ABTB2: variants seen among roughly 807,000 people sequenced by gnomAD.
The protein encoded by ABTB2 is ankyrin repeat and BTB domain containing 2.
A neutral mutation model predicts 104.1 loss-of-function variants in ABTB2; 56 were observed. The observed-to-expected ratio is 0.54, with a 90% CI of 0.43 to 0.67. The LOEUF is 0.67. ABTB2 is among the 30% of genes least tolerant of loss of function. The pLI is 0.00. For synonymous variants in ABTB2, 606 were observed against 608.2 expected (o/e 1.00, Z 0.05); for missense variants, 1,279 against 1,407.7 (o/e 0.91, Z 1.46).
In ABTB2 at chr11:34,160,020, G is replaced by T. The variant is rs762923164; in HGVS notation, c.2504-12C>A. ...CAAAAAGTGTGGATCTGTGAAAAGCGGGGAGACAGAGGGATATGGCTGAGG... is the reference window on the plus strand; with the variant it reads ...CAAAAAGTGTGGATCTGTGAAAAGCTGGGAGACAGAGGGATATGGCTGAGG... On this transcript the variant is annotated splice_polypyrimidine_tract_variant and intron_variant, in intron 12 of 16. Transcript: ENST00000435224. 6.2e-7 allele frequency: 1 copy of T among 1,604,180 alleles called. No individual in the cohort carries two copies. Among genetic ancestry groups the T allele is most frequent in the South Asian group, 1.1e-5 (1 of 90,746 alleles).
At position 34,160,231 on chromosome 11, in the gene ABTB2, AGG is replaced by A. The variant is rs1852690676; in HGVS notation, c.2503+15_2503+16del. 6.3e-7 allele frequency: 1 copy of A among 1,588,772 alleles called. No individual in the cohort carries two copies. The highest frequency in any genetic ancestry group is 8.6e-7 in the Non-Finnish European group (1 of 1,157,280). On this transcript the variant is annotated intron_variant, in intron 12 of 16. Transcript: ENST00000435224. The stretch of plus-strand genomic sequence containing the variant: ...GAGGACGTGTGGTGATGCAGGGCGC[AGG>A]GGGCGCGCCTTCACCTAGCCTGGCC...
At chr11:34,232,899 G>T (rs1045130420) in intron 1 of ABTB2, among the ~76,000 whole-genome samples, 2 of 152,042 alleles carry the variant, frequency 1.3e-5, no homozygotes, top group Admixed American at 6.6e-5. Flanking sequence ...GGTCAGGGCT[G>T]CAGTGAGCCA....
chr11:34,240,893 C>A (rs1386622397), intron 1 of ABTB2, among the ~76,000 whole-genome samples: 1 of 152,166 alleles, frequency 6.6e-6, no homozygotes, highest in African/African-American at 2.4e-5. Context: ...CCGTACCTGG[C>A]CTTCCCCCCT....
intron 1 of ABTB2, among the ~76,000 whole-genome samples, chr11:34,311,696 G>GC (rs1854857035): frequency 6.6e-6 from 1 of 152,176 alleles, no homozygotes; most frequent in South Asian, 2.1e-4. Flanking sequence ...TTTAAGCCCA[G>GC]CCCCAGTTAC....
At chr11:34,277,695 G>A (rs972976839) in intron 1 of ABTB2, among the ~76,000 whole-genome samples, 1 of 151,024 alleles carries the variant, frequency 6.6e-6, no homozygotes, top group Non-Finnish European at 1.5e-5. Flanking sequence ...CAGGAGAATC[G>A]CTTGAACCCA....
At chr11:34,161,500 C>G (rs550565305) in intron 10 of ABTB2, among the ~76,000 whole-genome samples, 1 of 152,100 alleles carries the variant, frequency 6.6e-6, no homozygotes, top group African/African-American at 2.4e-5. Flanking sequence ...GAGGGGTGGC[C>G]AGGAGGGCTT....
chr11:34,154,848 T>C lies in ABTB2; in HGVS notation c.2698-79A>G, dbSNP rs1444577965. 3 of 1,441,288 alleles carry C rather than the reference T, an allele frequency of 2.1e-6. No homozygotes were observed. The highest frequency in any genetic ancestry group is 2.9e-6 in the Non-Finnish European group (3 of 1,031,854). 89.3% of individuals were successfully genotyped at this position (1,441,288 alleles called of 1,614,324 possible). A position where few individuals can be genotyped will look rare whatever the true frequency, so the allele number is the denominator to read the frequency against. ...CCTTGCCAGCCCCACAGGGTACTGC[T>C]CCAGCTGCCGCCTCCAGGGGCCTGT... On this transcript the variant is annotated intron_variant, in intron 14 of 16. Transcript: ENST00000435224. The surrounding 1 kb of genome is among the most constrained non-coding windows in gnomAD (Gnocchi z 4.9).
Position 34,357,676 on chromosome 11 carries a change from C to G in ABTB2, c.-93G>C. ...TGGGCAGAAACAAGCTCTAGGCCCTCCGGGCCACCCTCCTTCCTCTCTGCG... is the reference window on the plus strand; with the variant it reads ...TGGGCAGAAACAAGCTCTAGGCCCTGCGGGCCACCCTCCTTCCTCTCTGCG... On this transcript the variant is annotated 5_prime_UTR_variant, in exon 1 of 17. Coordinates refer to ENST00000435224, the MANE Select transcript of ABTB2 (RefSeq NM_145804.3). The G allele has an allele frequency of 7.8e-7, 1 of 1,274,442 alleles. No individual in the cohort carries two copies. Among genetic ancestry groups the G allele is most frequent in the Non-Finnish European group, 1.0e-6 (1 of 983,338 alleles). The allele number at this position is 1,274,442 out of a possible 1,614,324, so 78.9% of individuals were successfully genotyped here.
intron 1 of ABTB2, chr11:34,335,876 C>T (rs1309924274): frequency 1.8e-5 from 17 of 920,408 alleles, no homozygotes; most frequent in South Asian, 1.6e-4. Context: ...AGAGCGGCCA[C>T]ATGAGACACC....
chr11:34,344,967 C>G (rs1855312605), intron 1 of ABTB2, among the ~76,000 whole-genome samples: 1 of 152,234 alleles, frequency 6.6e-6, no homozygotes, highest in Non-Finnish European at 1.5e-5. Context: ...TGATTCCTCT[C>G]TCATACCTCA....
intron 1 of ABTB2, among the ~76,000 whole-genome samples, chr11:34,352,316 A>G (rs927830824): frequency 2.0e-5 from 3 of 152,218 alleles, no homozygotes; most frequent in Non-Finnish European, 4.4e-5. Context: ...TATTGATATT[A>G]CTGGCTATTA....
Position 34,152,526 on chromosome 11 carries a change from T to A in ABTB2, c.2939A>T (p.Lys980Met). ...GAAGGCATCCTGCTCCAGTAGGGCC[T>A]TCATGTGCTTGAGGAAGAAGCCCTC... is the stretch of plus-strand genomic sequence containing the variant. ...FCEGFFLKHM[K>M]ALLEQDAFRQ... is the part of the protein sequence containing the mutation. The change falls in exon 17 of 17, where the codon AAG becomes ATG. Residue 980 changes from lysine to methionine, a missense_variant. Coordinates refer to ENST00000435224, the MANE Select transcript of ABTB2 (RefSeq NM_145804.3). 1 of 1,612,110 alleles carries A rather than the reference T, an allele frequency of 6.2e-7. No homozygotes were observed. Among genetic ancestry groups the A allele is most frequent in the South Asian group, 1.1e-5 (1 of 90,460 alleles).
In ABTB2 at chr11:34,356,918, G is replaced by C; in HGVS notation, c.666C>G (p.Arg222=). ...RWMVDTRISV[R]IHEYAAISLT... is the part of the protein sequence containing the mutation. ...GGGAGATGGCTGCGTACTCGTGGAT[G>C]CGCACGGAGATTCGGGTGTCCACCA... Residue 222 remains arginine, a synonymous_variant, in exon 1 of 17, where the codon CGC becomes CGG. Transcript: ENST00000435224. This position sits in a 1 kb window ranked among gnomAD's most constrained non-coding sequence, Gnocchi z 4.6. 4 of 1,602,716 alleles carry C rather than the reference G, an allele frequency of 2.5e-6. No individual in the cohort carries two copies. The highest frequency in any genetic ancestry group is 2.6e-6 in the Non-Finnish European group (3 of 1,174,712).
chr11:34,322,472 G>GCTACAATCCCA (rs1855016310), intron 1 of ABTB2, among the ~76,000 whole-genome samples: 1 of 152,120 alleles, frequency 6.6e-6, no homozygotes, highest in Admixed American at 6.5e-5. Context: ...CTACTAGGAA[G>GCTACAATCCCA]GCTGAGGCAG....
At chr11:34,229,614 C>T (rs978196881) in intron 1 of ABTB2, among the ~76,000 whole-genome samples, 5 of 152,100 alleles carry the variant, frequency 3.3e-5, no homozygotes, top group Non-Finnish European at 5.9e-5. Context: ...AATGGAAGCA[C>T]ATTGAACACA....
At chr11:34,306,990 A>AAG (rs1854784308) in intron 1 of ABTB2, among the ~76,000 whole-genome samples, 1 of 148,382 alleles carries the variant, frequency 6.7e-6, no homozygotes, top group South Asian at 2.1e-4. Flanking sequence ...CTTAAAAAAA[A>AAG]AAAAAAAAAA....
rs1402768809 is a variant in ABTB2 at position 34,160,003 on chromosome 11, G to A, written c.2509C>T (p.His837Tyr). 4.3e-6 allele frequency: 7 copies of A among 1,612,646 alleles called. No homozygotes were observed. The African/African-American group carries it at 8.0e-5, about 18-fold the overall frequency. Residue 837 changes from histidine to tyrosine, a missense_variant, in exon 13 of 17, where the codon CAC becomes TAC. His to Tyr is a moderately conservative substitution (Grantham distance 83). Transcript: ENST00000435224. ...GACATCTCCTTATTGTTCAAAAAGT[G>A]TGGATCTGTGAAAAGCGGGGAGACA... ...RKTLPARLDPHFLNNKEMSDV... is the reference protein window; with the variant it reads ...RKTLPARLDPYFLNNKEMSDV...
At chr11:34,183,102 A>G (rs2077546374) in intron 3 of ABTB2, among the ~76,000 whole-genome samples, 1 of 152,038 alleles carries the variant, frequency 6.6e-6, no homozygotes, top group South Asian at 2.1e-4. Context: ...AAACTGGATG[A>G]CTTTTTTTTT....
At chr11:34,255,080 A>T (rs1409613598) in intron 1 of ABTB2, among the ~76,000 whole-genome samples, 1 of 152,232 alleles carries the variant, frequency 6.6e-6, no homozygotes, top group Non-Finnish European at 1.5e-5. Context: ...TCCATACCAT[A>T]TCATTCAATG....
Sources: allele counts gnomAD v4.1 joint callset (sites outside exome capture counted in the v4.1 genomes callset), GRCh38; gene constraint gnomAD v4.1.1; non-coding constraint Gnocchi (gnomAD v3.1); transcripts MANE v1.5; gene names NCBI Gene and HGNC (gene_info 2026-07-23, HGNC 2026-07-21).